PRDM1: variants seen among roughly 807,000 people sequenced by gnomAD.
The protein encoded by PRDM1 is PR domain zinc finger protein 1.
In PRDM1, 13 loss-of-function variants were observed where a neutral mutation model predicts 62.8. The observed-to-expected ratio is 0.21, with a 90% confidence interval of 0.13 to 0.33. PRDM1 has a LOEUF of 0.33. Among genes scored for constraint, PRDM1 ranks in the 10% least tolerant of loss-of-function variants. The probability of loss-of-function intolerance (pLI) is 1.00; values close to 1 mark genes in which losing one functional copy is unlikely to be tolerated. For synonymous variants in PRDM1, 396 were observed against 417.6 expected (o/e 0.95, Z 0.63); for missense variants, 895 against 1,058.8 (o/e 0.85, Z 2.15).
intron 1 of PRDM1, among the ~76,000 whole-genome samples, chr6:106,053,439 T>A (rs1773209887): frequency 6.6e-6 from 1 of 152,172 alleles, no homozygotes; most frequent in South Asian, 2.1e-4. Context: ...CTGTTGTATT[T>A]ATAGTTTTAA....
intron 1 of PRDM1, among the ~76,000 whole-genome samples, chr6:106,010,510 T>G (rs562762799): frequency 6.6e-6 from 1 of 152,330 alleles, no homozygotes; most frequent in South Asian, 2.1e-4. Flanking sequence ...CTTTAGAATT[T>G]AATTAAGCAT....
chr6:106,056,905 C>T (rs1338988123), intron 1 of PRDM1, among the ~76,000 whole-genome samples: 1 of 152,106 alleles, frequency 6.6e-6, no homozygotes, highest in Non-Finnish European at 1.5e-5. Context: ...GTACAAGGCC[C>T]TGGCAGGTGA....
At chr6:106,049,351 C>T (rs1043292930) in intron 1 of PRDM1, among the ~76,000 whole-genome samples, 6 of 152,322 alleles carry the variant, frequency 3.9e-5, no homozygotes, top group African/African-American at 1.4e-4. Flanking sequence ...CTGACCAAGT[C>T]GTGTACATTT....
At position 106,014,070 on chromosome 6, in the gene PRDM1, T is replaced by C. The variant is rs866159874; in HGVS notation, c.-67+20431T>C. 7.2e-3 allele frequency among the ~76,000 whole-genome samples: 1,056 copies of C among 147,408 alleles called. 11 individuals are homozygous for C. The highest frequency in any genetic ancestry group is 0.025 in the African/African-American group (1,000 of 39,826). On this transcript the variant is annotated intron_variant, in intron 1 of 6. Transcript: ENST00000652320. ...ATGAGGACAAGGAATTTTTTTTTTT[T>C]TTTTTTTTTTTGAGACGGGGTCTCT... is the stretch of plus-strand genomic sequence containing the variant.
chr6:106,038,014 C>CTGTTTTTTTTT (rs1772944816), intron 1 of PRDM1, among the ~76,000 whole-genome samples: 1 of 47,800 alleles, frequency 2.1e-5, no homozygotes, highest in Non-Finnish European at 3.5e-5. Flanking sequence ...CTATTTTTGT[C>CTGTTTTTTTTT]TTTTTTTTTT....
chr6:105,997,671 T>C (rs1362339357), intron 1 of PRDM1, among the ~76,000 whole-genome samples: 1 of 152,236 alleles, frequency 6.6e-6, no homozygotes, highest in Non-Finnish European at 1.5e-5. Flanking sequence ...GGGGTTACCC[T>C]CATAAAGCTC....
At chr6:106,085,872 G>A (rs542808668), upstream of PRDM1, among the ~76,000 whole-genome samples, 1 of 149,856 alleles carries the variant, frequency 6.7e-6, no homozygotes, top group East Asian at 2.0e-4. Flanking sequence ...GCGGGGAAAC[G>A]TGCGTTACAT....
chr6:106,107,670 C>T lies in PRDM1; in HGVS notation c.*184C>T, dbSNP rs1302206947. ...CTGAAATCTCAGGGCATGAACAAGG[C>T]AAAGGCCATATATATATATATATAT... is the stretch of plus-strand genomic sequence containing the variant. On this transcript the variant is annotated 3_prime_UTR_variant, in exon 7 of 7. Transcript: ENST00000369096. 6.8e-5 allele frequency: 17 copies of T among 248,246 alleles called. No individual in the cohort carries two copies. The highest frequency in any genetic ancestry group is 8.9e-5 in the Non-Finnish European group (13 of 146,030). The allele number at this position is 248,246 out of a possible 1,614,324, so 15.4% of individuals were successfully genotyped here. A position where few individuals can be genotyped will look rare whatever the true frequency, so the allele number is the denominator to read the frequency against.
At chr6:106,043,626 C>A (rs1489088435), upstream of PRDM1, among the ~76,000 whole-genome samples, 1 of 152,178 alleles carries the variant, frequency 6.6e-6, no homozygotes, top group African/African-American at 2.4e-5. Flanking sequence ...CTCCGCCTCT[C>A]CCGGGTTCAA....
chr6:105,998,933 A>ATTT (rs754830624), intron 1 of PRDM1, among the ~76,000 whole-genome samples: 179 of 6,306 alleles, frequency 0.028, 2 homozygotes, highest in South Asian at 0.057. Context: ...ATATATATAT[A>ATTT]TTTTTTTTTT....
At position 106,038,014 on chromosome 6, in the gene PRDM1, C is replaced by CTTTTTTTTTTTTTTTT. The variant is rs1227783243; in HGVS notation, c.-67+44380_-67+44395dup. On this transcript the variant is annotated intron_variant, in intron 1 of 6. Coordinates refer to the PRDM1 transcript ENST00000652320. ...CTTTCCTATGGTTTGCTATTTTTGTCTTTTTTTTTTTTTTTTTTTTGAGAC... is the reference window on the plus strand; with the variant it reads ...CTTTCCTATGGTTTGCTATTTTTGTCTTTTTTTTTTTTTTTTTTTTTTTTTTTTTTTTTTTTGAGAC... 3.1e-3 allele frequency among the ~76,000 whole-genome samples: 146 copies of CTTTTTTTTTTTTTTTT among 47,788 alleles called. 39 individuals are homozygous for CTTTTTTTTTTTTTTTT. The highest frequency in any genetic ancestry group is 6.4e-3 in the East Asian group (7 of 1,102). The allele number at this position is 47,788 out of a possible 152,430, so 31.4% of individuals were successfully genotyped here.
At chr6:106,003,292 G>T (rs1772449134) in intron 1 of PRDM1, among the ~76,000 whole-genome samples, 1 of 152,204 alleles carries the variant, frequency 6.6e-6, no homozygotes, top group Non-Finnish European at 1.5e-5. Context: ...CAGGTCATCA[G>T]ATACTGACTA....
chr6:106,105,206 G>C lies in PRDM1; in HGVS notation c.1046G>C (p.Ser349Thr). 6.2e-7 allele frequency: 1 copy of C among 1,613,608 alleles called. No individual in the cohort carries two copies. The highest frequency in any genetic ancestry group is 8.5e-7 in the Non-Finnish European group (1 of 1,179,968). ...ARSSPDQSLK[S>T]SSPHSSPGNT... is the part of the protein sequence containing the mutation. ...AGCAGCCCCGACCAAAGCCTCAAGA[G>C]CTCCAGCCCTCACAGCAGCCCTGGG... The change falls in exon 5 of 7, where the codon AGC becomes ACC. Residue 349 changes from serine (S) to threonine (T), a missense_variant. Ser to Thr is a moderately conservative substitution (Grantham distance 58, BLOSUM62 1). Around this residue, in one of 4 missense-constraint regions of PRDM1, gnomAD observed 444 missense variants for 422.7 expected, o/e 1.05. Transcript: ENST00000369096.
In PRDM1 at chr6:106,105,502, A is replaced by C; in HGVS notation, c.1342A>C (p.Ser448Arg). The C allele has an allele frequency of 6.2e-7, 1 of 1,613,960 alleles. No individual in the cohort carries two copies. Among genetic ancestry groups the C allele is most frequent in the Non-Finnish European group, 8.5e-7 (1 of 1,179,984 alleles). ...GLFPRLCPVY[S>R]NLLGGGSLPH... The stretch of plus-strand genomic sequence containing the variant: ...CTTCCCGAGGCTGTGCCCTGTCTAC[A>C]GCAATCTCCTCGGTGGGGGCAGCCT... The change falls in exon 5 of 7, where the codon AGC (serine) becomes CGC (arginine). Residue 448 changes from serine to arginine, a missense_variant. Transcript: ENST00000369096.
At chr6:106,101,965 G>T (rs1303552207) in intron 4 of PRDM1, among the ~76,000 whole-genome samples, 2 of 152,160 alleles carry the variant, frequency 1.3e-5, no homozygotes, top group Non-Finnish European at 2.9e-5. Context: ...AAATTTGGCA[G>T]GGGGGGAGGT....
Position 106,108,521 on chromosome 6 carries a change from CTTTTTT to C in PRDM1, c.*1051_*1056del, listed in dbSNP as rs5878868. ...GGTGTTTTGTTGTTGGTTTTTGTTG[CTTTTTT>C]TTTTTTTTTTTTTTTAATGTCAAAA... On this transcript the variant is annotated 3_prime_UTR_variant, in exon 7 of 7. Coordinates refer to ENST00000369096, the MANE Select transcript of PRDM1 (RefSeq NM_001198.4). The C allele has an allele frequency of 1.8e-4, 26 of 145,758 alleles. No individual in the cohort carries two copies. Among genetic ancestry groups the C allele is most frequent in the Middle Eastern group, 2.2e-3 (1 of 460 alleles). The allele number at this position is 145,758 out of a possible 1,614,324, so 9.0% of individuals were successfully genotyped here. A position where few individuals can be genotyped will look rare whatever the true frequency, so the allele number is the denominator to read the frequency against.
At chr6:106,079,288 A>G (rs1773655001) in intron 1 of PRDM1, among the ~76,000 whole-genome samples, 1 of 152,172 alleles carries the variant, frequency 6.6e-6, no homozygotes, top group South Asian at 2.1e-4. Flanking sequence ...ATTTAAAAAA[A>G]CTGTTAAAAC....
chr6:106,025,113 A>G (rs554105440), intron 1 of PRDM1, among the ~76,000 whole-genome samples: 13 of 152,368 alleles, frequency 8.5e-5, no homozygotes, highest in Admixed American at 7.8e-4. Flanking sequence ...AAGCAAGCAC[A>G]CCATGTCTGA....
At position 106,109,626 on chromosome 6, in the gene PRDM1, C is replaced by T. The variant is rs914262054; in HGVS notation, c.*2140C>T. 8.6e-6 allele frequency: 2 copies of T among 233,358 alleles called. No individual in the cohort carries two copies. The highest frequency in any genetic ancestry group is 4.4e-5 in the African/African-American group (2 of 45,334). The allele number at this position is 233,358 out of a possible 1,614,324, so 14.5% of individuals were successfully genotyped here. ...CATCACGTTGACATTAGACCAAATA[C>T]TTTTGATTCCCAACTACTCGTTTGT... On this transcript the variant is annotated 3_prime_UTR_variant, in exon 7 of 7. Transcript: ENST00000369096.
Sources: gnomAD v4.1 joint callset for allele counts (sites outside exome capture counted in the v4.1 genomes callset) on GRCh38, gnomAD v4.1.1 for gene constraint, gnomAD v4.1.1 regional missense constraint, MANE v1.5 for transcripts, NCBI Gene and HGNC (gene_info 2026-07-23, HGNC 2026-07-21) for gene names.